The following B3GALT1 variants were observed in gnomAD, a reference collection of about 807,000 sequenced individuals.
B3GALT1 encodes the protein beta-1,3-galactosyltransferase 1.
Under a neutral mutation model 23.2 loss-of-function variants are expected in B3GALT1, and 10 were observed. The observed-to-expected ratio is 0.43, with a 90% CI of 0.27 to 0.73. B3GALT1 has a LOEUF of 0.73. B3GALT1 is among the 30% of genes least tolerant of loss of function. The pLI, the probability that B3GALT1 is intolerant of heterozygous loss-of-function variation, is 0.21. For missense variants in B3GALT1, 299 were observed against 405.4 expected (o/e 0.74, Z 2.25); for synonymous variants, 156 against 141.5 (o/e 1.10, Z -0.73).
chr2:167,354,142 C>A (rs1697363038), intron 1 of B3GALT1, among the ~76,000 whole-genome samples: 2 of 152,130 alleles, frequency 1.3e-5, no homozygotes, highest in Admixed American at 1.3e-4. Flanking sequence ...GAACAATATC[C>A]TGCCCAGGTT....
At chr2:167,294,308 C>T (rs986674271) in intron 1 of B3GALT1, among the ~76,000 whole-genome samples, 2 of 152,256 alleles carry the variant, frequency 1.3e-5, no homozygotes, top group African/African-American at 4.8e-5. Context: ...GTCCATCAGA[C>T]CTAGGACACG....
intron 2 of B3GALT1, among the ~76,000 whole-genome samples, chr2:167,628,730 T>C (rs78099645): frequency 0.015 from 2,314 of 151,834 alleles, 71 homozygotes; most frequent in African/African-American, 0.053. Flanking sequence ...GGCCTGGGGA[T>C]AAATTCTCTA....
At chr2:167,649,830 T>A (rs944126479) in intron 3 of B3GALT1, among the ~76,000 whole-genome samples, 14 of 152,090 alleles carry the variant, frequency 9.2e-5, no homozygotes, top group African/African-American at 3.4e-4. Flanking sequence ...CTGTGGATTC[T>A]TTAGGATTTT....
intron 3 of B3GALT1, among the ~76,000 whole-genome samples, chr2:167,652,940 A>C (rs1164810407): frequency 6.6e-6 from 1 of 152,162 alleles, no homozygotes; most frequent in East Asian, 1.9e-4. Flanking sequence ...ATGGATGTGT[A>C]CCTATGTACA....
At chr2:167,540,557 T>C (rs1415367271) in intron 2 of B3GALT1, among the ~76,000 whole-genome samples, 1 of 152,176 alleles carries the variant, frequency 6.6e-6, no homozygotes, top group Non-Finnish European at 1.5e-5. Context: ...CTTCTTTCAT[T>C]CAAATTCTGC....
At chr2:167,424,024 A>C (rs1237892484) in intron 1 of B3GALT1, among the ~76,000 whole-genome samples, 1 of 152,162 alleles carries the variant, frequency 6.6e-6, no homozygotes, top group Non-Finnish European at 1.5e-5. Context: ...ATACACACAA[A>C]GTATCATTAC....
intron 4 of B3GALT1, among the ~76,000 whole-genome samples, chr2:167,836,045 C>T (rs1481758185): frequency 5.9e-5 from 9 of 152,104 alleles, no homozygotes; most frequent in Non-Finnish European, 1.2e-4. Flanking sequence ...TCACCATCAT[C>T]AAAGACCAAA....
At chr2:167,327,431 A>G (rs945404313) in intron 1 of B3GALT1, among the ~76,000 whole-genome samples, 4 of 152,028 alleles carry the variant, frequency 2.6e-5, no homozygotes, top group South Asian at 2.1e-4. Flanking sequence ...TCTTTCGTCA[A>G]TGTTTTATAG....
intron 1 of B3GALT1, among the ~76,000 whole-genome samples, chr2:167,474,558 A>G (rs1049530143): frequency 1.1e-4 from 17 of 152,202 alleles, no homozygotes; most frequent in Admixed American, 9.8e-4. Context: ...CCTTGGGCTC[A>G]TTTCACGTGG....
intron 3 of B3GALT1, among the ~76,000 whole-genome samples, chr2:167,810,486 A>T (rs1213733322): frequency 6.6e-6 from 1 of 150,976 alleles, no homozygotes; most frequent in Non-Finnish European, 1.5e-5. Flanking sequence ...GAGCCAGACA[A>T]AGAAGAAGGA....
intron 1 of B3GALT1, among the ~76,000 whole-genome samples, chr2:167,328,812 C>CT (rs1228163028): frequency 1.1e-4 from 16 of 151,962 alleles, no homozygotes; most frequent in African/African-American, 3.4e-4. Flanking sequence ...CATTTTTCTA[C>CT]TTTTTTTATT....
At chr2:167,307,313 A>G (rs1458715833) in intron 1 of B3GALT1, among the ~76,000 whole-genome samples, 3 of 152,040 alleles carry the variant, frequency 2.0e-5, no homozygotes, top group Non-Finnish European at 2.9e-5. Flanking sequence ...TGCATTTTAT[A>G]TCATAGCCTA....
chr2:167,829,279 C>T (rs1689292203), intron 4 of B3GALT1, among the ~76,000 whole-genome samples: 4 of 151,910 alleles, frequency 2.6e-5, no homozygotes, highest in Non-Finnish European at 5.9e-5. Flanking sequence ...GTCAGGAGTT[C>T]GAGACCAGCC....
chr2:167,638,535 C>T (rs950137640), intron 2 of B3GALT1, among the ~76,000 whole-genome samples: 5 of 151,996 alleles, frequency 3.3e-5, no homozygotes, highest in African/African-American at 1.2e-4. Context: ...AAAGAGAGAA[C>T]ACATACTCCA....
intron 1 of B3GALT1, among the ~76,000 whole-genome samples, chr2:167,471,580 A>G (rs994664906): frequency 6.6e-6 from 1 of 152,190 alleles, no homozygotes; most frequent in Admixed American, 6.6e-5. Context: ...TAACACCTGT[A>G]GTGAACCAGC....
At chr2:167,711,955 G>A (rs564676266) in intron 3 of B3GALT1, among the ~76,000 whole-genome samples, 27 of 152,168 alleles carry the variant, frequency 1.8e-4, no homozygotes, top group Admixed American at 5.9e-4. Context: ...GTGACAGAGC[G>A]CAACTTCGTC....
Position 167,364,340 on chromosome 2 carries a change from T to TATA in B3GALT1, c.-511+71006_-511+71007insATA, listed in dbSNP as rs558291159. Among the ~76,000 whole-genome samples the TATA allele has an allele frequency of 9.0e-3, 229 of 25,534 alleles. 2 individuals carry two copies. In the East Asian group the frequency reaches 0.22, roughly 24 times the overall value. The allele number at this position is 25,534 out of a possible 152,430, so 16.8% of individuals were successfully genotyped here. A position where few individuals can be genotyped will look rare whatever the true frequency, so the allele number is the denominator to read the frequency against. ...ATACTGTTTTCATATATATATATAG[T>TATA]TTTTTTTTTCATTTTTTTATTATAC... On this transcript the variant is annotated intron_variant, in intron 1 of 4. Transcript: ENST00000392690.
At chr2:167,504,993 C>T (rs934781510) in intron 2 of B3GALT1, among the ~76,000 whole-genome samples, 9 of 152,206 alleles carry the variant, frequency 5.9e-5, no homozygotes, top group East Asian at 3.9e-4. Context: ...AAAAGAGAAT[C>T]AGTGTATAGT....
rs1469504653 is a variant in B3GALT1, at chr2:167,346,585, A to G, written c.-511+53251A>G. On this transcript the variant is annotated intron_variant, in intron 1 of 4. Coordinates refer to ENST00000392690, the MANE Select transcript of B3GALT1 (RefSeq NM_020981.4). ...TTTATTTGTACAATGCCAAGGCTTGATGGAATAATGTTTTATTAACCACAC... is the reference window on the plus strand; with the variant it reads ...TTTATTTGTACAATGCCAAGGCTTGGTGGAATAATGTTTTATTAACCACAC... Among the ~76,000 whole-genome samples, 7 of 152,328 alleles carry G rather than the reference A, an allele frequency of 4.6e-5. No homozygotes were observed. The South Asian group carries it at 1.4e-3, about 32-fold the overall frequency.
Sources: allele counts gnomAD v4.1 joint callset (sites outside exome capture counted in the v4.1 genomes callset), GRCh38; gene constraint gnomAD v4.1.1; transcripts MANE v1.5; gene names NCBI Gene and HGNC (gene_info 2026-07-23, HGNC 2026-07-21).